The following LRRC7 variants were observed in gnomAD, a reference collection of about 807,000 sequenced individuals.
LRRC7 encodes leucine-rich repeat-containing protein 7.
Under a neutral mutation model 175.7 loss-of-function variants are expected in LRRC7, and 23 were observed. That is an observed-to-expected ratio of 0.13 (90% confidence interval 0.09 to 0.19). The LOEUF is 0.19. LRRC7 is among the 10% of genes least tolerant of loss of function. The probability of loss-of-function intolerance (pLI) is 1.00; values close to 1 mark genes in which losing one functional copy is unlikely to be tolerated. For synonymous variants in LRRC7, 685 were observed against 680.9 expected (o/e 1.01, Z -0.09); for missense variants, 1,354 against 1,904.7 (o/e 0.71, Z 5.38).
chr1:69,849,481 C>G (rs1466158805), intron 7 of LRRC7, among the ~76,000 whole-genome samples: 1 of 151,928 alleles, frequency 6.6e-6, no homozygotes, highest in Non-Finnish European at 1.5e-5. Flanking sequence ...CTAAATATAA[C>G]TTAAAGAGCA....
intron 1 of LRRC7, among the ~76,000 whole-genome samples, chr1:69,619,701 T>C (rs1163420418): frequency 6.6e-6 from 1 of 152,094 alleles, no homozygotes; most frequent in Non-Finnish European, 1.5e-5. Context: ...CAAGTGAAAA[T>C]TGGAATTTTG....
chr1:69,717,886 A>G (rs1456783734), intron 2 of LRRC7, among the ~76,000 whole-genome samples: 2 of 134,576 alleles, frequency 1.5e-5, no homozygotes, highest in Non-Finnish European at 3.1e-5. Flanking sequence ...AAGAGAGAAA[A>G]AGAGGAGGGA....
chr1:70,055,322 T>C (rs1483443828), intron 23 of LRRC7, among the ~76,000 whole-genome samples: 1 of 152,176 alleles, frequency 6.6e-6, no homozygotes, highest in African/African-American at 2.4e-5. Flanking sequence ...TAAAGTATTT[T>C]AAACAGAGAA....
At chr1:69,645,972 A>G (rs1044395590) in intron 1 of LRRC7, among the ~76,000 whole-genome samples, 3 of 152,114 alleles carry the variant, frequency 2.0e-5, no homozygotes, top group Non-Finnish European at 4.4e-5. Flanking sequence ...ATTAAGTTTT[A>G]TACCTCAGAA....
At chr1:70,020,865 TTCTC>T (rs1421560053) in intron 15 of LRRC7, 136 bp from the exon 16 acceptor site, 1 of 583,024 alleles carries the variant, frequency 1.7e-6, no homozygotes, top group Non-Finnish European at 2.6e-6. Context: ...CTTTCCTTCT[TTCTC>T]TTTCTTTTTT....
chr1:69,654,506 C>A (rs540825902), intron 1 of LRRC7, among the ~76,000 whole-genome samples: 3 of 152,094 alleles, frequency 2.0e-5, no homozygotes, highest in East Asian at 1.9e-4. Context: ...GTCATGATAA[C>A]CCTTATTGAA....
chr1:69,617,392 G>C (rs1436343785), intron 1 of LRRC7, among the ~76,000 whole-genome samples: 8 of 151,696 alleles, frequency 5.3e-5, no homozygotes. Flanking sequence ...TACAATGCCT[G>C]GCACTAGTAG....
At chr1:69,857,783 A>C (rs1008102229) in intron 7 of LRRC7, among the ~76,000 whole-genome samples, 62 of 152,220 alleles carry the variant, frequency 4.1e-4, no homozygotes, top group African/African-American at 1.4e-3. Flanking sequence ...ATGGAACCAA[A>C]AAAGAGCCCA....
At chr1:69,760,830 G>A (rs949800613) in intron 3 of LRRC7, among the ~76,000 whole-genome samples, 3 of 151,972 alleles carry the variant, frequency 2.0e-5, no homozygotes, top group African/African-American at 7.2e-5. Flanking sequence ...ACACATTAAT[G>A]CTATTATGAA....
At chr1:69,774,756 G>T (rs140792142) in intron 3 of LRRC7, among the ~76,000 whole-genome samples, 1,663 of 152,216 alleles carry the variant, frequency 0.011, 26 homozygotes, top group Middle Eastern at 0.044. Flanking sequence ...CGAAGATTTG[G>T]ATGTAAGTAT....
chr1:69,927,427 C>T (rs574357652), intron 7 of LRRC7, among the ~76,000 whole-genome samples: 9 of 152,148 alleles, frequency 5.9e-5, no homozygotes, highest in Non-Finnish European at 1.2e-4. Flanking sequence ...CCATTCTCCC[C>T]GTCACTTTCA....
intron 1 of LRRC7, among the ~76,000 whole-genome samples, chr1:69,626,234 A>T (rs1393206831): frequency 6.6e-6 from 1 of 152,158 alleles, no homozygotes; most frequent in Non-Finnish European, 1.5e-5. Context: ...TGGCCCCAAA[A>T]GATTGTCAGA....
intron 1 of LRRC7, among the ~76,000 whole-genome samples, chr1:69,665,318 T>C (rs896408476): frequency 2.0e-5 from 3 of 152,126 alleles, no homozygotes; most frequent in African/African-American, 7.2e-5. Context: ...AATTTTAAAA[T>C]TGTTTTTTCT....
rs1659293575 is a variant in LRRC7, at chr1:70,036,209, T to C, written c.2084T>C (p.Val695Ala). 1 of 1,613,392 alleles carries C rather than the reference T, an allele frequency of 6.2e-7. No individual in the cohort carries two copies. The highest frequency in any genetic ancestry group is 8.5e-7 in the Non-Finnish European group (1 of 1,179,680). Residue 695 changes from valine to alanine, a missense_variant, in exon 19 of 27, where the codon GTT (valine) becomes GCT (alanine). Transcript: ENST00000651989. ...AETPLYPPKL[V>A]LLGKDKKEST... is the part of the protein sequence containing the mutation. ...ACCCCTCTGTACCCACCCAAACTTG[T>C]TCTGCTAGGGAAGGACAAAAAAGGT...
At chr1:69,787,435 C>T (rs903063328) in intron 3 of LRRC7, among the ~76,000 whole-genome samples, 1 of 152,240 alleles carries the variant, frequency 6.6e-6, no homozygotes, top group African/African-American at 2.4e-5. Context: ...GCACTGCCCT[C>T]GCAGAGATTC....
At chr1:69,773,436 A>C (rs1431927690) in intron 3 of LRRC7, among the ~76,000 whole-genome samples, 1 of 152,200 alleles carries the variant, frequency 6.6e-6, no homozygotes, top group African/African-American at 2.4e-5. Context: ...AAATGCTGTG[A>C]GCTGAAAGGA....
chr1:70,046,112 T>G (rs1218185186), intron 22 of LRRC7, among the ~76,000 whole-genome samples: 1 of 152,126 alleles, frequency 6.6e-6, no homozygotes, highest in African/African-American at 2.4e-5. Context: ...TTATATCATA[T>G]GAAGATGCCC....
intron 8 of LRRC7, among the ~76,000 whole-genome samples, chr1:69,935,839 A>C (rs1329565994): frequency 6.6e-6 from 1 of 152,148 alleles, no homozygotes; most frequent in Non-Finnish European, 1.5e-5. Context: ...GAAAATGTAT[A>C]GTTTTTTGTG....
chr1:69,970,312 A>G (rs1652104449), intron 8 of LRRC7, among the ~76,000 whole-genome samples: 1 of 152,208 alleles, frequency 6.6e-6, no homozygotes, highest in African/African-American at 2.4e-5. Flanking sequence ...TGAAACCAAA[A>G]AAATACAAAA....
Sources: gnomAD v4.1 joint callset for allele counts (sites outside exome capture counted in the v4.1 genomes callset) on GRCh38, gnomAD v4.1.1 for gene constraint, MANE v1.5 for transcripts, NCBI Gene and HGNC (gene_info 2026-07-23, HGNC 2026-07-21) for gene names.